Variants in DOP1B observed in about 807,000 individuals in gnomAD.
DOP1B encodes the protein protein DOP1B.
A neutral mutation model predicts 233.5 loss-of-function variants in DOP1B; 174 were observed. The observed-to-expected ratio is 0.75, with a 90% CI of 0.66 to 0.85. The LOEUF is 0.85. Among genes scored for constraint, DOP1B ranks in the 40% least tolerant of loss-of-function variants. The probability of loss-of-function intolerance (pLI) is 0.00; values close to 1 mark genes in which losing one functional copy is unlikely to be tolerated. For missense variants in DOP1B, 2,652 were observed against 2,846.6 expected (o/e 0.93, Z 1.56); for synonymous variants, 1,190 against 1,185.6 (o/e 1.00, Z -0.08).
chr21:36,264,015 T>C (rs1569059940), intron 26 of DOP1B, among the ~76,000 whole-genome samples: 2 of 152,198 alleles, frequency 1.3e-5, no homozygotes, highest in Admixed American at 6.5e-5. Flanking sequence ...CTGATGAAGG[T>C]TCTTGTGTAA....
At chr21:36,248,932 C>T (rs543433493) in intron 21 of DOP1B, among the ~76,000 whole-genome samples, 4 of 151,612 alleles carry the variant, frequency 2.6e-5, no homozygotes, top group Non-Finnish European at 5.9e-5. Context: ...TGGTGAAACC[C>T]CATCTCTACT....
chr21:36,193,325 G>A (rs74801932), intron 2 of DOP1B, among the ~76,000 whole-genome samples: 1 of 152,282 alleles, frequency 6.6e-6, no homozygotes, highest in East Asian at 1.9e-4. Flanking sequence ...TGACAGTCGC[G>A]TAGAATGACT....
In DOP1B at chr21:36,245,193, G is replaced by A; in HGVS notation, c.3213G>A (p.Val1071=). The A allele has an allele frequency of 1.2e-6, 2 of 1,614,064 alleles. No homozygotes were observed. The highest frequency in any genetic ancestry group is 1.7e-6 in the Non-Finnish European group (2 of 1,180,024). Reference sequence around the variant, plus strand: ...ACCGTGAAGCCATTTGGGCCGAAGTGGAGAAGGAGCCCGAGAAGTACCCGC... The same window carrying A: ...ACCGTGAAGCCATTTGGGCCGAAGTAGAGAAGGAGCCCGAGAAGTACCCGC... The part of the protein sequence containing the change: ...TVDREAIWAE[V]EKEPEKYPLR... Residue 1071 remains valine, a synonymous_variant, in exon 19 of 37, where the codon GTG becomes GTA. Transcript: ENST00000691173. This position sits in a 1 kb window ranked among gnomAD's most constrained non-coding sequence, Gnocchi z 5.5.
chr21:36,198,794 T>C (rs2066323414), intron 2 of DOP1B, among the ~76,000 whole-genome samples: 1 of 152,220 alleles, frequency 6.6e-6, no homozygotes. Flanking sequence ...CTTCCTGAGA[T>C]GGAGAAGCAC....
At chr21:36,170,034 G>A (rs1214228663) in intron 2 of DOP1B, 26 of 732,886 alleles carry the variant, frequency 3.5e-5, no homozygotes, top group Non-Finnish European at 1.3e-5. Flanking sequence ...TGCCAGCCTT[G>A]TATCCCAGGA....
At chr21:36,235,762 G>T (rs1355604041) in intron 15 of DOP1B, among the ~76,000 whole-genome samples, 1 of 150,538 alleles carries the variant, frequency 6.6e-6, no homozygotes, top group Non-Finnish European at 1.5e-5. Context: ...GTATGGATTT[G>T]TGATCGGCAT....
chr21:36,203,102 C>A (rs766811277), intron 4 of DOP1B, among the ~76,000 whole-genome samples: 1 of 152,182 alleles, frequency 6.6e-6, no homozygotes, highest in Non-Finnish European at 1.5e-5. Flanking sequence ...AATAAAGGTT[C>A]ATTTGAACAG....
chr21:36,191,417 G>A (rs1260807042), intron 2 of DOP1B, among the ~76,000 whole-genome samples: 1 of 152,170 alleles, frequency 6.6e-6, no homozygotes, highest in African/African-American at 2.4e-5. Context: ...GCTGCCTCAG[G>A]GTTTGCTGAA....
At chr21:36,191,523 C>T (rs998282919) in intron 2 of DOP1B, among the ~76,000 whole-genome samples, 9 of 152,256 alleles carry the variant, frequency 5.9e-5, no homozygotes, top group African/African-American at 1.9e-4. Flanking sequence ...AGGTGGCTCA[C>T]GCCTGTAATC....
At chr21:36,189,458 G>A (rs1490610158) in intron 2 of DOP1B, among the ~76,000 whole-genome samples, 1 of 152,126 alleles carries the variant, frequency 6.6e-6, no homozygotes, top group Non-Finnish European at 1.5e-5. Flanking sequence ...TTGAAGGCTG[G>A]GTGCAGTGGC....
At chr21:36,182,665 C>CA (rs1356568789) in intron 2 of DOP1B, among the ~76,000 whole-genome samples, 1 of 151,998 alleles carries the variant, frequency 6.6e-6, no homozygotes, top group African/African-American at 2.4e-5. Context: ...CCCATCTCTA[C>CA]AAAAAAAGTT....
Position 36,164,758 on chromosome 21 carries a change from T to A in DOP1B, c.25T>A (p.Leu9Ile), listed in dbSNP as rs758330209. 1.2e-6 allele frequency: 2 copies of A among 1,607,206 alleles called. No individual in the cohort carries two copies. The highest frequency in any genetic ancestry group is 2.2e-5 in the South Asian group (2 of 89,436). Residue 9 changes from leucine to isoleucine, a missense_variant, in exon 2 of 37, where the codon TTA becomes ATA. By Grantham distance (5) the Leu-to-Ile change is conservative. This residue lies in a region of DOP1B where 2,617 missense variants were observed against 2,794.3 expected (regional missense o/e 0.94). Transcript: ENST00000691173. ...GATGGATCCAGAAGAGCAGGAGCTC[T>A]TAAATGATTACAGATACAGAAGCTA... Reference protein sequence around the residue: MDPEEQELLNDYRYRSYSS... With the variant: MDPEEQELINDYRYRSYSS...
intron 34 of DOP1B, 63 bp downstream of exon 34, chr21:36,288,874 A>C: frequency 6.7e-7 from 1 of 1,492,748 alleles, no homozygotes; most frequent in Non-Finnish European, 9.3e-7. Flanking sequence ...ACGTCACTTT[A>C]GATATAGAGT....
intron 18 of DOP1B, among the ~76,000 whole-genome samples, chr21:36,244,806 A>G (rs1334069785): frequency 1.3e-5 from 2 of 152,194 alleles, no homozygotes; most frequent in African/African-American, 4.8e-5. Flanking sequence ...AAATTAAAAT[A>G]CTTAAGTTTA....
At chr21:36,259,944 G>C (rs1425685142) in intron 23 of DOP1B, among the ~76,000 whole-genome samples, 1 of 152,114 alleles carries the variant, frequency 6.6e-6, no homozygotes, top group Non-Finnish European at 1.5e-5. Context: ...TTGTTTCCAA[G>C]TAGTTCCAGC....
rs778302285 is a variant in DOP1B at position 36,232,991 on chromosome 21, T to C, written c.2538T>C (p.Phe846=). 16 of 1,614,010 alleles carry C rather than the reference T, an allele frequency of 9.9e-6. No individual in the cohort carries two copies. In the Admixed American group the frequency reaches 2.0e-4, roughly 20 times the overall value. ...ATAAGAGCTCTGGACACAACCCTTT[T>C]TTTGGCAAGCTGCAGATGGTGACGG... is the stretch of plus-strand genomic sequence containing the variant. ...KRYKSSGHNP[F]FGKLQMVTVP... The change falls in exon 15 of 37, where the codon TTT becomes TTC. Residue 846 remains phenylalanine, a synonymous_variant. Coordinates refer to ENST00000691173, the MANE Select transcript of DOP1B (RefSeq NM_001320714.2).
intron 2 of DOP1B, chr21:36,170,155 G>A (rs2065959273): frequency 2.0e-6 from 1 of 498,958 alleles, no homozygotes; most frequent in East Asian, 4.3e-5. Flanking sequence ...CCCATGTCTG[G>A]GAGTGGAGAA....
chr21:36,169,193 G>C, intron 2 of DOP1B: 1 of 1,038,372 alleles, frequency 9.6e-7, no homozygotes, highest in South Asian at 1.3e-5. Context: ...CAGCATAACA[G>C]AGTTATTGGT....
At chr21:36,261,298 G>A (rs572303042) in intron 24 of DOP1B, 7 of 975,440 alleles carry the variant, frequency 7.2e-6, no homozygotes, top group South Asian at 9.5e-5. Flanking sequence ...CCAGGAGGCG[G>A]AGGTTGCAGC....
Sources: allele counts gnomAD v4.1 joint callset (sites outside exome capture counted in the v4.1 genomes callset), GRCh38; gene constraint gnomAD v4.1.1; regional missense constraint gnomAD v4.1.1; non-coding constraint Gnocchi (gnomAD v3.1); transcripts MANE v1.5; gene names NCBI Gene and HGNC (gene_info 2026-07-23, HGNC 2026-07-21).